Variants in NAV1 observed in about 807,000 individuals in gnomAD.
NAV1 encodes the protein pore membrane and/or filament interacting like protein 3.
NAV1 carries 18 observed loss-of-function variants against 175.2 expected under a neutral mutation model. That is an observed-to-expected ratio of 0.10 (90% CI 0.07 to 0.15). The LOEUF is 0.15. NAV1 is among the 10% of genes least tolerant of loss of function. The pLI, the probability that NAV1 is intolerant of heterozygous loss-of-function variation, is 1.00. For synonymous variants in NAV1, 897 were observed against 978.7 expected, an observed-to-expected ratio of 0.92 and a Z score of 1.56; for missense variants, 1,731 against 2,436.6, an observed-to-expected ratio of 0.71 and a Z score of 6.10.
chr1:201,799,207 G>A (rs1337466491), intron 15 of NAV1, among the ~76,000 whole-genome samples: 1 of 151,912 alleles, frequency 6.6e-6, no homozygotes, highest in Non-Finnish European at 1.5e-5. Flanking sequence ...GAGAGAGAGA[G>A]AGAAAGCAAA....
At chr1:201,790,309 C>T (rs905395401) in intron 11 of NAV1, among the ~76,000 whole-genome samples, 1 of 152,192 alleles carries the variant, frequency 6.6e-6, no homozygotes, top group African/African-American at 2.4e-5. Context: ...ATTTCCTAGC[C>T]TTTTTGGCAA....
At chr1:201,796,187 C>T (rs971840714) in intron 15 of NAV1, 2 of 152,056 alleles carry the variant, frequency 1.3e-5, no homozygotes, top group African/African-American at 4.8e-5. Flanking sequence ...GGGGTATATA[C>T]CTAGAAGTGG....
At chr1:201,547,994 A>G (rs1394361567) in intron 1 of NAV1, among the ~76,000 whole-genome samples, 1 of 152,058 alleles carries the variant, frequency 6.6e-6, no homozygotes, top group African/African-American at 2.4e-5. Flanking sequence ...GGGTTCCACC[A>G]TCTTGGCCAG....
intron 1 of NAV1, among the ~76,000 whole-genome samples, chr1:201,557,268 G>C (rs1349106168): frequency 6.6e-6 from 1 of 152,182 alleles, no homozygotes; most frequent in Non-Finnish European, 1.5e-5. Flanking sequence ...CTTCTGTGCT[G>C]CTCCTTTTGT....
intron 2 of NAV1, among the ~76,000 whole-genome samples, chr1:201,589,514 A>G (rs937006467): frequency 3.9e-5 from 6 of 152,094 alleles, no homozygotes; most frequent in African/African-American, 1.2e-4. Context: ...TTTTTTGAGA[A>G]GAGGCCTTAC....
chr1:201,816,899 T>G (rs559928847), intron 28 of NAV1, 189 bp from the exon 33 acceptor site: 6 of 589,086 alleles, frequency 1.0e-5, no homozygotes, highest in Non-Finnish European at 1.8e-5. Flanking sequence ...GTCTTGAACT[T>G]CTGACCTCAA....
At chr1:201,599,646 G>C (rs1346322171) in intron 2 of NAV1, among the ~76,000 whole-genome samples, 1 of 152,156 alleles carries the variant, frequency 6.6e-6, no homozygotes, top group Non-Finnish European at 1.5e-5. Flanking sequence ...TTTTGCGTCT[G>C]TCATGAGCCC....
rs1426262207 is a variant in NAV1 at position 201,649,442 on chromosome 1, C to T, written c.757+17C>T. 3 of 1,479,910 alleles carry T rather than the reference C, an allele frequency of 2.0e-6. No individual in the cohort carries two copies. The highest frequency in any genetic ancestry group is 1.3e-5 in the South Asian group (1 of 75,622). 91.7% of individuals were successfully genotyped at this position (1,479,910 alleles called of 1,614,324 possible). On this transcript the variant is annotated intron_variant, in intron 1 of 29. Coordinates refer to ENST00000367296, the Ensembl canonical transcript of NAV1. ...AGATGCTGGGTAAGTCCTGCCGCCC[C>T]GCCCCGCCCCGCCCCTGGCTTTCTC...
intron 3 of NAV1, among the ~76,000 whole-genome samples, chr1:201,738,227 G>A (rs1010649284): frequency 2.6e-5 from 4 of 152,008 alleles, no homozygotes; most frequent in African/African-American, 9.7e-5. Flanking sequence ...TGCCCCCCAT[G>A]CTAGGGGGAA....
chr1:201,607,561 G>A (rs564029421), intron 2 of NAV1, among the ~76,000 whole-genome samples: 4 of 151,104 alleles, frequency 2.6e-5, no homozygotes, highest in South Asian at 4.2e-4. Flanking sequence ...GCACGATCTC[G>A]GCTCACTGCA....
chr1:201,787,900 C>T lies in NAV1; in HGVS notation c.2996-568C>T, dbSNP rs1676866377. ...CGGGGCAATGCTAGGCAAAGAGGGC[C>T]ATGTTTCTTGATGCTTTAGCGCCAA... is the stretch of plus-strand genomic sequence containing the variant. On this transcript the variant is annotated intron_variant, in intron 9 of 29. Transcript: ENST00000367296. The surrounding 1 kb of genome is among the most constrained non-coding windows in gnomAD (Gnocchi z 4.3). The T allele has an allele frequency of 2.9e-6, 1 of 344,312 alleles. No individual in the cohort carries two copies. The highest frequency in any genetic ancestry group is 2.1e-5 in the African/African-American group (1 of 46,752). 21.3% of individuals were successfully genotyped at this position (344,312 alleles called of 1,614,324 possible).
rs572829406 is a variant in NAV1 at position 201,732,147 on chromosome 1, T to A, written c.1226+13392T>A. Among the ~76,000 whole-genome samples the A allele has an allele frequency of 7.9e-5, 12 of 152,072 alleles. No homozygotes were observed. In the East Asian group the frequency reaches 2.3e-3, roughly 29 times the overall value. ...TTCCCCTGAGACAAGCATCACTCTG[T>A]CACCCAGGCTGGGGTGCAGTGGCAC... is the stretch of plus-strand genomic sequence containing the variant. On this transcript the variant is annotated intron_variant, in intron 3 of 29. Coordinates refer to ENST00000367296, the Ensembl canonical transcript of NAV1.
chr1:201,678,082 C>T (rs1023514803), intron 1 of NAV1, among the ~76,000 whole-genome samples: 1 of 152,160 alleles, frequency 6.6e-6, no homozygotes, highest in Non-Finnish European at 1.5e-5. Flanking sequence ...GAGGGAGGCA[C>T]CATGAATTAA....
At chr1:201,800,658 T>G (rs1018101643) in intron 15 of NAV1, among the ~76,000 whole-genome samples, 2 of 152,148 alleles carry the variant, frequency 1.3e-5, no homozygotes, top group Non-Finnish European at 2.9e-5. Flanking sequence ...TCCCTTTCCC[T>G]GAGTCACCCC....
chr1:201,577,041 A>G (rs1666710444), intron 1 of NAV1, among the ~76,000 whole-genome samples: 1 of 152,078 alleles, frequency 6.6e-6, no homozygotes, highest in Non-Finnish European at 1.5e-5. Flanking sequence ...TCTAGGCTGG[A>G]GTGCAGTGGT....
chr1:201,801,406 C>T (rs1334331239), intron 15 of NAV1, among the ~76,000 whole-genome samples: 1 of 152,174 alleles, frequency 6.6e-6, no homozygotes, highest in Admixed American at 6.5e-5. Context: ...TGCAAATAGC[C>T]ACTTTACTAC....
At position 201,798,894 on chromosome 1, in the gene NAV1, G is replaced by T. The variant is rs180920265; in HGVS notation, c.3517+4317G>T. Among the ~76,000 whole-genome samples, 525 of 151,220 alleles carry T rather than the reference G, an allele frequency of 3.5e-3. 2 individuals carry two copies. The highest frequency in any genetic ancestry group is 0.011 in the African/African-American group (467 of 41,230). Reference sequence around the variant, plus strand: ...ATTTTTGTATTTTTAGTAGAGATGGGGTCTCACCATGTTGGCCAGGCTGTC... The same window carrying T: ...ATTTTTGTATTTTTAGTAGAGATGGTGTCTCACCATGTTGGCCAGGCTGTC... On this transcript the variant is annotated intron_variant, in intron 15 of 29. Coordinates refer to ENST00000367296, the Ensembl canonical transcript of NAV1.
chr1:201,569,919 T>C (rs1666480191), intron 1 of NAV1, among the ~76,000 whole-genome samples: 1 of 152,206 alleles, frequency 6.6e-6, no homozygotes. Context: ...ACTTCTCAGT[T>C]GCTGTTTTAC....
intron 1 of NAV1, among the ~76,000 whole-genome samples, chr1:201,586,055 T>C (rs1667017921): frequency 6.6e-6 from 1 of 152,198 alleles, no homozygotes; most frequent in Non-Finnish European, 1.5e-5. Flanking sequence ...TAGCCAAAGG[T>C]AGAAGCAACC....
Sources: allele counts gnomAD v4.1 joint callset (sites outside exome capture counted in the v4.1 genomes callset), GRCh38; gene constraint gnomAD v4.1.1; non-coding constraint Gnocchi (gnomAD v3.1); transcripts MANE v1.5; gene names NCBI Gene and HGNC (gene_info 2026-07-23, HGNC 2026-07-21).